SORCS2: variants seen among roughly 807,000 people sequenced by gnomAD.
The protein encoded by SORCS2 is VPS10 domain-containing receptor SorCS2.
Under a neutral mutation model 141.6 loss-of-function variants are expected in SORCS2, and 100 were observed. The observed-to-expected ratio is 0.71, with a 90% CI of 0.60 to 0.83. SORCS2 has a LOEUF of 0.83. Ranked by LOEUF, SORCS2 falls within the 40% of genes least tolerant of loss-of-function variation. SORCS2 has a pLI of 0.00. For synonymous variants in SORCS2, 789 were observed against 676.9 expected, an observed-to-expected ratio of 1.17 and a Z score of -2.57; for missense variants, 1,646 against 1,560.2, an observed-to-expected ratio of 1.05 and a Z score of -0.93.
chr4:7,496,436 C>CTG (rs1731620907), intron 2 of SORCS2, among the ~76,000 whole-genome samples: 1 of 23,544 alleles, frequency 4.2e-5, no homozygotes, highest in Non-Finnish European at 1.8e-4. Context: ...AGCCCCCCCC[C>CTG]CCCACTCCCC....
At chr4:7,541,082 C>T (rs1476871394) in intron 3 of SORCS2, among the ~76,000 whole-genome samples, 1 of 152,230 alleles carries the variant, frequency 6.6e-6, no homozygotes, top group African/African-American at 2.4e-5. Context: ...ACTGACACTC[C>T]TGAAAGCCAA....
At chr4:7,218,009 C>T (rs1253533468) in intron 1 of SORCS2, among the ~76,000 whole-genome samples, 2 of 152,042 alleles carry the variant, frequency 1.3e-5, no homozygotes, top group East Asian at 1.9e-4. Flanking sequence ...CCTCTGTGGC[C>T]GGGCTTCCCC....
At chr4:7,441,648 C>T (rs977268222) in intron 2 of SORCS2, among the ~76,000 whole-genome samples, 1 of 151,542 alleles carries the variant, frequency 6.6e-6, no homozygotes, top group African/African-American at 2.4e-5. Flanking sequence ...CACCATCTAC[C>T]CCCTCCCCTA....
At chr4:7,671,788 C>A (rs975316948) in intron 8 of SORCS2, among the ~76,000 whole-genome samples, 2 of 152,014 alleles carry the variant, frequency 1.3e-5, no homozygotes, top group African/African-American at 4.8e-5. Flanking sequence ...GGCAGAGAGA[C>A]TATTTGAAGA....
intron 2 of SORCS2, among the ~76,000 whole-genome samples, chr4:7,404,297 G>T (rs10937815): frequency 0.26 from 39,900 of 151,896 alleles, 6,510 homozygotes; most frequent in Middle Eastern, 0.45. Flanking sequence ...ATAGTGCTGC[G>T]ATAAACATAT....
intron 12 of SORCS2, among the ~76,000 whole-genome samples, chr4:7,699,746 C>T (rs536016376): frequency 5.3e-5 from 8 of 152,264 alleles, no homozygotes; most frequent in South Asian, 4.1e-4. Context: ...GCGTGGTCTC[C>T]GCCACCCGCC....
intron 1 of SORCS2, among the ~76,000 whole-genome samples, chr4:7,366,199 A>G (rs891628804): frequency 1.3e-5 from 2 of 151,392 alleles, no homozygotes; most frequent in African/African-American, 4.9e-5. Flanking sequence ...AGAGGCTGGG[A>G]TCCTTCCTTC....
intron 23 of SORCS2, among the ~76,000 whole-genome samples, chr4:7,732,212 C>T (rs145222326): frequency 7.3e-4 from 111 of 152,334 alleles, no homozygotes; most frequent in Non-Finnish European, 1.2e-3. Context: ...CATCTCGAAT[C>T]ATCAGGGAAA....
chr4:7,454,649 A>T (rs1435865422), intron 2 of SORCS2, among the ~76,000 whole-genome samples: 23 of 41,754 alleles, frequency 5.5e-4, no homozygotes, highest in Admixed American at 1.9e-3. Flanking sequence ...GGGGTCAGGC[A>T]CTGTGTTGGG....
chr4:7,426,274 C>T (rs931748190), intron 2 of SORCS2, among the ~76,000 whole-genome samples: 7 of 148,606 alleles, frequency 4.7e-5, no homozygotes, highest in Admixed American at 2.0e-4. Context: ...AGTGGCCCAT[C>T]GGATCCCGGG....
intron 8 of SORCS2, among the ~76,000 whole-genome samples, chr4:7,675,192 T>C (rs1445823450): frequency 1.3e-5 from 2 of 152,240 alleles, no homozygotes; most frequent in Non-Finnish European, 2.9e-5. Context: ...GGCTGCTTCC[T>C]GAATTTAAAA....
intron 1 of SORCS2, among the ~76,000 whole-genome samples, chr4:7,263,886 C>T (rs143683917): frequency 1.6e-4 from 25 of 152,304 alleles, no homozygotes; most frequent in Non-Finnish European, 2.5e-4. Flanking sequence ...GACCTTGGTG[C>T]GTCTCGTTCC....
chr4:7,313,951 C>A (rs1057381414), intron 1 of SORCS2, among the ~76,000 whole-genome samples: 3 of 152,224 alleles, frequency 2.0e-5, no homozygotes, highest in Non-Finnish European at 2.9e-5. Flanking sequence ...ACCCCAGAGC[C>A]CACCATGCCA....
At position 7,466,140 on chromosome 4, in the gene SORCS2, G is replaced by C. The variant is rs562931807; in HGVS notation, c.549-65390G>C. On this transcript the variant is annotated intron_variant, in intron 2 of 26. Coordinates refer to ENST00000507866, the MANE Select transcript of SORCS2 (RefSeq NM_020777.3). ...AGCATTCTCTGAGTGGTTTCTGCTG[G>C]AACAAACGTCCCCAAACCAAAAGGT... Among the ~76,000 whole-genome samples the C allele has an allele frequency of 1.1e-4, 17 of 152,336 alleles. No individual in the cohort carries two copies. The East Asian group carries it at 3.1e-3, about 28-fold the overall frequency.
At chr4:7,515,226 A>T (rs1224434717) in intron 2 of SORCS2, among the ~76,000 whole-genome samples, 2 of 152,194 alleles carry the variant, frequency 1.3e-5, no homozygotes, top group African/African-American at 4.8e-5. Context: ...TACAGTGGCC[A>T]GCTCAAGGTC....
chr4:7,240,159 G>C (rs957611101), intron 1 of SORCS2, among the ~76,000 whole-genome samples: 1 of 152,208 alleles, frequency 6.6e-6, no homozygotes, highest in Non-Finnish European at 1.5e-5. Flanking sequence ...GCCCCACGGG[G>C]CTGTCGTGAT....
At chr4:7,667,942 A>G (rs552958761) in intron 8 of SORCS2, among the ~76,000 whole-genome samples, 7 of 152,350 alleles carry the variant, frequency 4.6e-5, no homozygotes, top group African/African-American at 1.7e-4. Flanking sequence ...ACTGAGGTCC[A>G]GGTGAGTCAG....
intron 5 of SORCS2, among the ~76,000 whole-genome samples, chr4:7,660,197 C>T (rs1451874334): frequency 6.6e-6 from 1 of 152,224 alleles, no homozygotes; most frequent in Non-Finnish European, 1.5e-5. Context: ...AAGCTTCCTC[C>T]CTCTCCTCCT....
intron 2 of SORCS2, among the ~76,000 whole-genome samples, chr4:7,447,823 A>G (rs1460230190): frequency 1.3e-5 from 2 of 152,172 alleles, no homozygotes; most frequent in African/African-American, 2.4e-5. Flanking sequence ...AGGATGTCCC[A>G]CAGATGGGAG....
Sources: gnomAD v4.1 joint callset for allele counts (sites outside exome capture counted in the v4.1 genomes callset) on GRCh38, gnomAD v4.1.1 for gene constraint, MANE v1.5 for transcripts, NCBI Gene and HGNC (gene_info 2026-07-23, HGNC 2026-07-21) for gene names.